The following ACOXL variants were observed in gnomAD, a reference collection of about 807,000 sequenced individuals.
The protein encoded by ACOXL is acyl-coenzyme A oxidase-like protein.
Under a neutral mutation model 71.9 loss-of-function variants are expected in ACOXL, and 70 were observed. That is an observed-to-expected ratio of 0.97 (90% CI 0.80 to 1.19). ACOXL has a LOEUF of 1.19. Among genes scored for constraint, ACOXL ranks in the 50% most tolerant of loss-of-function variants. The pLI is 0.00. For missense variants in ACOXL, 703 were observed against 736.3 expected (o/e 0.95, Z 0.52); for synonymous variants, 253 against 281.6 (o/e 0.90, Z 1.02).
At chr2:110,984,986 A>G (rs2062865812) in intron 12 of ACOXL, among the ~76,000 whole-genome samples, 1 of 152,228 alleles carries the variant, frequency 6.6e-6, no homozygotes, top group African/African-American at 2.4e-5. Context: ...CCATGGAGAA[A>G]AATAGAGTAA....
chr2:110,861,009 C>T (rs1033162595), intron 10 of ACOXL, among the ~76,000 whole-genome samples: 6 of 152,162 alleles, frequency 3.9e-5, no homozygotes, highest in African/African-American at 1.4e-4. Flanking sequence ...CCCAGCTACT[C>T]GAGAGGCTGA....
chr2:110,808,167 C>T (rs1188789112), intron 9 of ACOXL, among the ~76,000 whole-genome samples: 2 of 152,096 alleles, frequency 1.3e-5, no homozygotes, highest in African/African-American at 4.8e-5. Context: ...GCAGCCTGTG[C>T]TGGGAGGCTG....
chr2:111,015,473 C>A (rs959608567), intron 14 of ACOXL, among the ~76,000 whole-genome samples: 2 of 152,150 alleles, frequency 1.3e-5, no homozygotes, highest in Non-Finnish European at 2.9e-5. Context: ...ACACTCCATC[C>A]TGGCAATGCT....
intron 1 of ACOXL, among the ~76,000 whole-genome samples, chr2:110,733,893 TACAA>T (rs1417598390): frequency 3.9e-5 from 6 of 152,212 alleles, no homozygotes; most frequent in Non-Finnish European, 8.8e-5. Flanking sequence ...GGTTCATGAG[TACAA>T]ACTGTTTTTA....
At chr2:111,061,781 G>T (rs1014341184) in intron 16 of ACOXL, among the ~76,000 whole-genome samples, 1 of 152,002 alleles carries the variant, frequency 6.6e-6, no homozygotes, top group Non-Finnish European at 1.5e-5. Context: ...CGTAGACCAT[G>T]AAAAGTTATA....
At chr2:111,072,505 G>T (rs186703117) in intron 16 of ACOXL, among the ~76,000 whole-genome samples, 9 of 152,290 alleles carry the variant, frequency 5.9e-5, no homozygotes, top group Admixed American at 5.2e-4. Context: ...GGACATTTGG[G>T]TTATGTCCAG....
intron 12 of ACOXL, among the ~76,000 whole-genome samples, chr2:110,939,762 T>C (rs982352100): frequency 1.3e-5 from 2 of 152,218 alleles, no homozygotes; most frequent in Non-Finnish European, 2.9e-5. Context: ...ATAAACTTTC[T>C]TAAAACATTT....
chr2:110,923,109 A>G (rs1201506596), intron 11 of ACOXL, among the ~76,000 whole-genome samples: 2 of 152,154 alleles, frequency 1.3e-5, no homozygotes, highest in African/African-American at 4.8e-5. Context: ...CAGTGTCCCA[A>G]TTAGGGGAAA....
chr2:110,977,578 C>A (rs1415674703), intron 12 of ACOXL, among the ~76,000 whole-genome samples: 1 of 152,166 alleles, frequency 6.6e-6, no homozygotes, highest in African/African-American at 2.4e-5. Context: ...CAGACAAGTT[C>A]TGTTTTTCTC....
intron 2 of ACOXL, 71 bp downstream of exon 2, chr2:110,768,535 A>AGAGAGAGAGC: frequency 1.4e-6 from 2 of 1,406,930 alleles, no homozygotes; most frequent in African/African-American, 3.0e-5. Flanking sequence ...AGAGAGAGAG[A>AGAGAGAGAGC]GAGTTTTTTT....
At chr2:110,926,851 A>T (rs1166661378) in intron 11 of ACOXL, among the ~76,000 whole-genome samples, 1 of 151,432 alleles carries the variant, frequency 6.6e-6, no homozygotes, top group Non-Finnish European at 1.5e-5. Context: ...CTTCAAATCC[A>T]CTCTCCAGGA....
At chr2:110,941,379 T>C (rs1409811079) in intron 12 of ACOXL, among the ~76,000 whole-genome samples, 1 of 152,244 alleles carries the variant, frequency 6.6e-6, no homozygotes, top group Non-Finnish European at 1.5e-5. Context: ...CTAAACAGTT[T>C]GCAAGACACC....
In ACOXL at chr2:110,908,782, C is replaced by G; in HGVS notation, c.789-7C>G. 1.2e-6 allele frequency: 2 copies of G among 1,611,220 alleles called. No homozygotes were observed. The highest frequency in any genetic ancestry group is 1.7e-6 in the Non-Finnish European group (2 of 1,177,588). ...TGGTAAAAATCGTGTCTGTTGATTC[C>G]CTCTAGCCGGAGGCAGTTTGGGCCC... On this transcript the variant is annotated splice_polypyrimidine_tract_variant and splice_region_variant and intron_variant, in intron 10 of 17. Transcript: ENST00000439055.
chr2:111,028,063 C>T (rs2065095217), intron 14 of ACOXL, among the ~76,000 whole-genome samples: 1 of 150,196 alleles, frequency 6.7e-6, no homozygotes, highest in South Asian at 2.1e-4. Flanking sequence ...TGTTGTGCAC[C>T]TGTAGTCCCG....
chr2:110,764,742 T>TG (rs996346899), intron 1 of ACOXL, among the ~76,000 whole-genome samples: 2 of 152,116 alleles, frequency 1.3e-5, no homozygotes, highest in African/African-American at 4.8e-5. Context: ...TATACACATG[T>TG]GGGGGCAGGA....
chr2:110,986,385 A>T (rs56379112), intron 12 of ACOXL, among the ~76,000 whole-genome samples: 8,472 of 152,288 alleles, frequency 0.056, 416 homozygotes, highest in South Asian at 0.13. Context: ...TTGTTAGCTC[A>T]TGATTCTGTA....
intron 11 of ACOXL, among the ~76,000 whole-genome samples, chr2:110,910,784 TC>T (rs1457590655): frequency 6.6e-6 from 1 of 152,246 alleles, no homozygotes. Context: ...TGCATATTTT[TC>T]TAAATTGACT....
At chr2:111,037,685 A>C (rs1406996159) in intron 15 of ACOXL, among the ~76,000 whole-genome samples, 1 of 152,198 alleles carries the variant, frequency 6.6e-6, no homozygotes, top group East Asian at 1.9e-4. Context: ...CCACTGAGGA[A>C]ACTGAGGCTC....
chr2:111,109,516 G>A (rs116499391), intron 17 of ACOXL, among the ~76,000 whole-genome samples: 163 of 151,476 alleles, frequency 1.1e-3, no homozygotes, highest in African/African-American at 3.7e-3. Context: ...TTTTTGTTCC[G>A]CAATACTCAC....
Sources: allele counts gnomAD v4.1 joint callset (sites outside exome capture counted in the v4.1 genomes callset), GRCh38; gene constraint gnomAD v4.1.1; transcripts MANE v1.5; gene names NCBI Gene and HGNC (gene_info 2026-07-23, HGNC 2026-07-21).